SNX8: variants seen among roughly 807,000 people sequenced by gnomAD.
SNX8 encodes the protein sorting nexin 8.
Under a neutral mutation model 51.6 loss-of-function variants are expected in SNX8, and 25 were observed. The observed-to-expected ratio is 0.48, with a 90% confidence interval of 0.35 to 0.68. The LOEUF is 0.68. Ranked by LOEUF, SNX8 falls within the 30% of genes least tolerant of loss-of-function variation. The pLI is 0.00. For missense variants in SNX8, 695 were observed against 624.0 expected (o/e 1.11, Z -1.21); for synonymous variants, 324 against 277.0 (o/e 1.17, Z -1.68).
intron 5 of SNX8, among the ~76,000 whole-genome samples, chr7:2,266,643 C>A (rs111593882): frequency 0.02 from 2,993 of 152,260 alleles, 38 homozygotes; most frequent in South Asian, 0.043. Context: ...CCACGCCCGG[C>A]CGGTTTTTTG....
intron 5 of SNX8, among the ~76,000 whole-genome samples, chr7:2,265,014 G>A (rs147290252): frequency 0.018 from 2,735 of 151,948 alleles, 40 homozygotes; most frequent in Non-Finnish European, 0.029. Flanking sequence ...CAGTTTGGGC[G>A]ACAGAACGAG....
rs200157788 is a variant in SNX8 at position 2,256,883 on chromosome 7, C to T, written c.1275G>A (p.Gly425=). ...LRAFVNSQIQ[G]HKEMSKVWND... ...AGCAGGGCGGACTCACCTCCTTGTG[C>T]CCTTGGATCTGAGAGTTGACGAAGG... The change falls in exon 10 of 11, where the codon GGG becomes GGA. Residue 425 remains glycine (G), a synonymous_variant. Transcript: ENST00000222990. The T allele has an allele frequency of 7.1e-5, 115 of 1,612,302 alleles. No homozygotes were observed. Among genetic ancestry groups the T allele is most frequent in the Non-Finnish European group, 2.5e-5 (30 of 1,179,258 alleles).
At chr7:2,256,754 C>A in intron 10 of SNX8, 120 bp downstream of exon 10, 3 of 969,892 alleles carry the variant, frequency 3.1e-6, no homozygotes, top group Non-Finnish European at 4.5e-6. Flanking sequence ...CATGCGGAGC[C>A]CAACTCCACT....
chr7:2,336,759 C>A (rs1778837664), intron 1 of SNX8, among the ~76,000 whole-genome samples: 1 of 151,810 alleles, frequency 6.6e-6, no homozygotes, highest in Admixed American at 6.6e-5. Context: ...GTTATCCCAG[C>A]TGTTTGGGAG....
At position 2,256,760 on chromosome 7, in the gene SNX8, C is replaced by G; in HGVS notation, c.1284+114G>C. On this transcript the variant is annotated intron_variant, in intron 10 of 10. Transcript: ENST00000222990. Reference sequence around the variant, plus strand: ...TCCAAGGCCCATGCGGAGCCCAACTCCACTAAAGAACCTCTCTAGGGCGGC... The same window carrying G: ...TCCAAGGCCCATGCGGAGCCCAACTGCACTAAAGAACCTCTCTAGGGCGGC... 13 of 1,049,922 alleles carry G rather than the reference C, an allele frequency of 1.2e-5. No individual in the cohort carries two copies. The South Asian group carries it at 2.2e-4, about 18-fold the overall frequency. 65.0% of individuals were successfully genotyped at this position (1,049,922 alleles called of 1,614,324 possible).
chr7:2,301,529 A>G (rs1039070345), intron 1 of SNX8, among the ~76,000 whole-genome samples: 4 of 152,236 alleles, frequency 2.6e-5, no homozygotes, highest in Admixed American at 2.0e-4. Context: ...CACCCAGAGC[A>G]GCAACTTAGA....
chr7:2,264,542 G>GGGTCTCCCGTGGCTC, intron 5 of SNX8, 84 bp from the exon 6 acceptor site: 1 of 1,404,080 alleles, frequency 7.1e-7, no homozygotes, highest in Non-Finnish European at 9.7e-7. Flanking sequence ...CCCAGAAGCT[G>GGGTCTCCCGTGGCTC]AGCCACGGGA....
chr7:2,316,133 A>T (rs1377901503), upstream of SNX8, among the ~76,000 whole-genome samples: 1 of 148,328 alleles, frequency 6.7e-6, no homozygotes, highest in Non-Finnish European at 1.5e-5. Flanking sequence ...TCCTGCTTTC[A>T]TTCACGCAAC....
chr7:2,268,036 C>A (rs1156891137), intron 5 of SNX8, among the ~76,000 whole-genome samples: 13 of 148,238 alleles, frequency 8.8e-5, no homozygotes, highest in Admixed American at 1.3e-4. Flanking sequence ...CGTCTCTGCC[C>A]GGCCAGCCAC....
chr7:2,285,779 A>G (rs1314486953), intron 1 of SNX8, among the ~76,000 whole-genome samples: 1 of 151,944 alleles, frequency 6.6e-6, no homozygotes, highest in African/African-American at 2.4e-5. Flanking sequence ...CAATCCTCCC[A>G]CCTCAGCCTC....
chr7:2,280,931 G>C lies in SNX8; in HGVS notation c.95-2626C>G, dbSNP rs139253241. 3.3e-5 allele frequency among the ~76,000 whole-genome samples: 5 copies of C among 151,892 alleles called. No individual in the cohort carries two copies. In the East Asian group the frequency reaches 9.7e-4, roughly 30 times the overall value. On this transcript the variant is annotated intron_variant, in intron 1 of 10. Transcript: ENST00000222990. Reference sequence around the variant, plus strand: ...CCTCAGCCTCCAGAGTAAGTGGGATGACAGGCGTGCACCAATATGCCCAGC... The same window carrying C: ...CCTCAGCCTCCAGAGTAAGTGGGATCACAGGCGTGCACCAATATGCCCAGC...
At chr7:2,308,658 T>G (rs1796598795) in intron 1 of SNX8, among the ~76,000 whole-genome samples, 1 of 109,492 alleles carries the variant, frequency 9.1e-6, no homozygotes, top group South Asian at 3.3e-4. Flanking sequence ...AGAGTGAGAC[T>G]CTGTCTCAAA....
At chr7:2,275,280 G>T (rs748107305) in intron 2 of SNX8, 51 bp from the exon 3 acceptor site, 1 of 1,248,516 alleles carries the variant, frequency 8.0e-7, no homozygotes, top group South Asian at 1.2e-5. Context: ...CTATGCTGTC[G>T]CGTCACTTCC....
chr7:2,257,614 G>A (rs749917067), intron 8 of SNX8, 100 bp from the exon 9 acceptor site: 139 of 1,567,144 alleles, frequency 8.9e-5, no homozygotes, highest in Non-Finnish European at 1.1e-4. Flanking sequence ...GGAAGGCCCC[G>A]TCTTCCCCTG....
At chr7:2,290,510 TAAAGA>T (rs144188534) in intron 1 of SNX8, among the ~76,000 whole-genome samples, 3,362 of 151,722 alleles carry the variant, frequency 0.022, 120 homozygotes, top group African/African-American at 0.071. Context: ...TCTCAAAAAA[TAAAGA>T]AAAGAAAAGA....
chr7:2,341,064 A>G (rs955332585), intron 1 of SNX8, among the ~76,000 whole-genome samples: 4 of 150,716 alleles, frequency 2.7e-5, no homozygotes, highest in African/African-American at 9.8e-5. Flanking sequence ...CAGCTACTCA[A>G]GAAACTGAGG....
At chr7:2,286,403 A>G (rs1796029079) in intron 1 of SNX8, among the ~76,000 whole-genome samples, 1 of 152,280 alleles carries the variant, frequency 6.6e-6, no homozygotes, top group Non-Finnish European at 1.5e-5. Flanking sequence ...GTGATGTAAC[A>G]TTAAGATATT....
rs1795044093 is a variant in SNX8, at chr7:2,252,028, G to A, written c.*3028C>T. 1.3e-5 allele frequency: 2 copies of A among 152,192 alleles called. No homozygotes were observed. Among genetic ancestry groups the A allele is most frequent in the Admixed American group, 6.5e-5 (1 of 15,286 alleles). The allele number at this position is 152,192 out of a possible 1,614,324, so 9.4% of individuals were successfully genotyped here. On this transcript the variant is annotated 3_prime_UTR_variant, in exon 11 of 11. Coordinates refer to ENST00000222990, the MANE Select transcript of SNX8 (RefSeq NM_013321.4). ...CTGCACTGTGTCCGGCAGACAAAGG[G>A]CAGCTGTCTGCACGGTGACCCCGAG...
rs1443285725 is a variant in SNX8 at position 2,278,218 on chromosome 7, G to A, written c.182C>T (p.Pro61Leu). 10 of 1,612,790 alleles carry A rather than the reference G, an allele frequency of 6.2e-6. No homozygotes were observed. The highest frequency in any genetic ancestry group is 5.0e-5 in the Admixed American group (3 of 59,940). The change falls in exon 2 of 11, where the codon CCG becomes CTG. Residue 61 changes from proline (P) to leucine (L), a missense_variant. By Grantham distance (98) the Pro-to-Leu change is moderately conservative. Transcript: ENST00000222990. ...PSRMQMPQGN[P>L]LLLSHTLQEL... is the part of the protein sequence containing the mutation. ...CTGCAGGGTGTGGGACAGCAGCAGCGGGTTCCCCTGCGGCATCTGCATTCG... is the reference window on the plus strand; with the variant it reads ...CTGCAGGGTGTGGGACAGCAGCAGCAGGTTCCCCTGCGGCATCTGCATTCG...
Sources: gnomAD v4.1 joint callset for allele counts (sites outside exome capture counted in the v4.1 genomes callset) on GRCh38, gnomAD v4.1.1 for gene constraint, MANE v1.5 for transcripts, NCBI Gene and HGNC (gene_info 2026-07-23, HGNC 2026-07-21) for gene names.